Variants in SSH2 observed in about 807,000 individuals in gnomAD.
The protein encoded by SSH2 is slingshot protein phosphatase 2.
Under a neutral mutation model 135.2 loss-of-function variants are expected in SSH2, and 37 were observed. The observed-to-expected ratio is 0.27, with a 90% CI of 0.21 to 0.36. SSH2 has a LOEUF of 0.36. Ranked by LOEUF, SSH2 falls within the 10% of genes least tolerant of loss-of-function variation. The pLI, the probability that SSH2 is intolerant of heterozygous loss-of-function variation, is 1.00. For synonymous variants in SSH2, 628 were observed against 646.2 expected, an observed-to-expected ratio of 0.97 and a Z score of 0.43; for missense variants, 1,408 against 1,765.3, an observed-to-expected ratio of 0.80 and a Z score of 3.63.
chr17:29,846,409 A>C (rs1240318582), intron 2 of SSH2, among the ~76,000 whole-genome samples: 1 of 152,186 alleles, frequency 6.6e-6, no homozygotes, highest in Non-Finnish European at 1.5e-5. Context: ...CCCACTGGTG[A>C]TGAGCTCATG....
chr17:29,900,316 A>C (rs1280523510), intron 1 of SSH2, among the ~76,000 whole-genome samples: 1 of 152,192 alleles, frequency 6.6e-6, no homozygotes, highest in African/African-American at 2.4e-5. Flanking sequence ...TCTGCACAGC[A>C]AAAGAAACTA....
At chr17:29,860,702 G>C (rs2065748811) in intron 1 of SSH2, among the ~76,000 whole-genome samples, 1 of 151,234 alleles carries the variant, frequency 6.6e-6, no homozygotes, top group Admixed American at 6.6e-5. Context: ...AAAGTGCTGG[G>C]ATTACAGGCA....
intron 3 of SSH2, among the ~76,000 whole-genome samples, chr17:29,790,746 T>TG (rs2042050245): frequency 6.6e-6 from 1 of 151,604 alleles, no homozygotes; most frequent in Admixed American, 6.6e-5. Flanking sequence ...TTTTTTTTTT[T>TG]GAGACAGAGT....
intron 1 of SSH2, among the ~76,000 whole-genome samples, chr17:29,882,629 CT>C (rs1567628834): frequency 1.5e-5 from 2 of 136,054 alleles, no homozygotes. Flanking sequence ...GCGGGCACCT[CT>C]AATCCCAGCT....
intron 1 of SSH2, among the ~76,000 whole-genome samples, chr17:29,903,223 TATATATTTATATATTAAAA>T (rs1036340823): frequency 3.4e-5 from 5 of 148,172 alleles, no homozygotes; most frequent in African/African-American, 7.4e-5. Context: ...TATATGTGTA[TATATATTTATATATTAAAA>T]ATATATTTAT....
At chr17:29,724,247 AG>A (rs1415745686) in intron 3 of SSH2, among the ~76,000 whole-genome samples, 1 of 152,194 alleles carries the variant, frequency 6.6e-6, no homozygotes, top group Non-Finnish European at 1.5e-5. Flanking sequence ...AACCTATTCT[AG>A]CCGGGCAGGG....
chr17:29,871,637 CTTAA>C (rs1338722211), intron 1 of SSH2, among the ~76,000 whole-genome samples: 1 of 152,082 alleles, frequency 6.6e-6, no homozygotes, highest in Non-Finnish European at 1.5e-5. Flanking sequence ...ACATGCCCTA[CTTAA>C]TTAATAAAAA....
intron 1 of SSH2, among the ~76,000 whole-genome samples, chr17:29,886,014 G>C (rs1476392548): frequency 6.6e-6 from 1 of 152,126 alleles, no homozygotes; most frequent in Non-Finnish European, 1.5e-5. Flanking sequence ...CCAGGTAGTG[G>C]GGCACTGCTA....
intron 3 of SSH2, among the ~76,000 whole-genome samples, chr17:29,792,003 A>G (rs1264806281): frequency 6.7e-6 from 1 of 149,110 alleles, no homozygotes; most frequent in Non-Finnish European, 1.5e-5. Context: ...GCTCACTGCA[A>G]CCTCCACCTC....
At position 29,773,840 on chromosome 17, in the gene SSH2, G is replaced by A. The variant is rs367892872; in HGVS notation, c.188+20054C>T. 3.7e-4 allele frequency among the ~76,000 whole-genome samples: 56 copies of A among 152,242 alleles called. No homozygotes were observed. The East Asian group carries it at 7.4e-3, about 20-fold the overall frequency. On this transcript the variant is annotated intron_variant, in intron 3 of 15. Coordinates refer to ENST00000540801, the MANE Select transcript of SSH2 (RefSeq NM_001282129.2). The stretch of plus-strand genomic sequence containing the variant: ...TTACAGGCATGTGCCACCACACTTG[G>A]CTAATTTTTAGTAGGCATGGGGTTT...
At chr17:29,818,309 C>T (rs187396782) in intron 2 of SSH2, among the ~76,000 whole-genome samples, 10 of 149,122 alleles carry the variant, frequency 6.7e-5, no homozygotes, top group African/African-American at 2.0e-4. Flanking sequence ...AGTGCAGTTG[C>T]GTGATCTTGG....
intron 3 of SSH2, among the ~76,000 whole-genome samples, chr17:29,709,444 AGGAGG>A (rs1450527683): frequency 2.0e-5 from 3 of 152,196 alleles, no homozygotes; most frequent in Non-Finnish European, 4.4e-5. Flanking sequence ...TGGGAGGCCA[AGGAGG>A]GTGGATCACT....
At chr17:29,760,967 A>G in intron 3 of SSH2, 2 of 471,810 alleles carry the variant, frequency 4.2e-6, no homozygotes, top group Non-Finnish European at 3.4e-6. Flanking sequence ...TTCCGCCTCC[A>G]TGAATCCCCC....
chr17:29,908,902 C>A (rs2066710897), intron 1 of SSH2, among the ~76,000 whole-genome samples: 1 of 151,382 alleles, frequency 6.6e-6, no homozygotes, highest in Non-Finnish European at 1.5e-5. Context: ...CACGGTGAAA[C>A]CCCATCTCTA....
chr17:29,807,181 T>C (rs1047564663), intron 2 of SSH2, among the ~76,000 whole-genome samples: 2 of 152,224 alleles, frequency 1.3e-5, no homozygotes, highest in African/African-American at 4.8e-5. Flanking sequence ...CAAATACTCC[T>C]AAATGAACAG....
intron 3 of SSH2, among the ~76,000 whole-genome samples, chr17:29,725,680 T>TAAG (rs896545224): frequency 6.6e-6 from 1 of 152,146 alleles, no homozygotes; most frequent in Non-Finnish European, 1.5e-5. Context: ...TTCTCACTCA[T>TAAG]AAGTGGGAGT....
intron 3 of SSH2, chr17:29,761,347 G>A: frequency 9.3e-7 from 1 of 1,080,694 alleles, no homozygotes; most frequent in Non-Finnish European, 1.1e-6. Context: ...CGCAGGCTGC[G>A]CGTGCACCCG....
chr17:29,846,795 T>C (rs1682258107), intron 2 of SSH2, among the ~76,000 whole-genome samples: 1 of 152,242 alleles, frequency 6.6e-6, no homozygotes, highest in African/African-American at 2.4e-5. Flanking sequence ...AGAGATAGTT[T>C]ACATTAGTGA....
intron 2 of SSH2, among the ~76,000 whole-genome samples, chr17:29,831,628 A>G (rs1460705251): frequency 6.7e-6 from 1 of 148,966 alleles, no homozygotes; most frequent in Non-Finnish European, 1.5e-5. Flanking sequence ...CTCAAGTGCA[A>G]TGGTGCGATT....
Sources: gnomAD v4.1 joint callset for allele counts (sites outside exome capture counted in the v4.1 genomes callset) on GRCh38, gnomAD v4.1.1 for gene constraint, MANE v1.5 for transcripts, NCBI Gene and HGNC (gene_info 2026-07-23, HGNC 2026-07-21) for gene names.